The following ELAVL2 variants were observed in gnomAD, a reference collection of about 807,000 sequenced individuals.
ELAVL2 encodes the protein ELAV like RNA binding protein 2.
A neutral mutation model predicts 34.6 loss-of-function variants in ELAVL2; 4 were observed. The observed-to-expected ratio is 0.12, with a 90% CI of 0.06 to 0.26. ELAVL2 has a LOEUF of 0.26. Ranked by LOEUF, ELAVL2 falls within the 10% of genes least tolerant of loss-of-function variation. The probability of loss-of-function intolerance (pLI) is 1.00; values close to 1 mark genes in which losing one functional copy is unlikely to be tolerated. For synonymous variants in ELAVL2, 193 were observed against 154.8 expected, an observed-to-expected ratio of 1.25 and a Z score of -1.83; for missense variants, 432 against 442.8, an observed-to-expected ratio of 0.98 and a Z score of 0.22.
intron 2 of ELAVL2, among the ~76,000 whole-genome samples, chr9:23,755,180 T>A (rs1212509843): frequency 1.3e-5 from 2 of 152,150 alleles, no homozygotes; most frequent in African/African-American, 4.8e-5. Context: ...ATTTCTCCAA[T>A]TAATTTCCAA....
intron 3 of ELAVL2, among the ~76,000 whole-genome samples, chr9:23,717,818 A>T (rs2042698448): frequency 6.6e-6 from 1 of 152,216 alleles, no homozygotes; most frequent in South Asian, 2.1e-4. Context: ...CTGTTCAAAC[A>T]TTTAGCAAAG....
chr9:23,773,316 CA>C (rs1189444381), intron 1 of ELAVL2, among the ~76,000 whole-genome samples: 1 of 152,134 alleles, frequency 6.6e-6, no homozygotes. Flanking sequence ...CACATACACC[CA>C]ATTTCGAACA....
chr9:23,752,190 T>G (rs978857433), intron 2 of ELAVL2, among the ~76,000 whole-genome samples: 1 of 152,210 alleles, frequency 6.6e-6, no homozygotes, highest in Non-Finnish European at 1.5e-5. Context: ...AGTACCCCTG[T>G]GTGCTAGGTA....
At chr9:23,789,029 A>G (rs2060034000) in intron 1 of ELAVL2, among the ~76,000 whole-genome samples, 1 of 152,210 alleles carries the variant, frequency 6.6e-6, no homozygotes, top group South Asian at 2.1e-4. Flanking sequence ...AAAAGAAAAG[A>G]GACCAACGGC....
intron 3 of ELAVL2, among the ~76,000 whole-genome samples, chr9:23,714,849 T>C (rs1048392928): frequency 2.6e-5 from 4 of 152,134 alleles, no homozygotes; most frequent in Non-Finnish European, 5.9e-5. Context: ...AGTACCACTA[T>C]AAAACTTTCA....
At chr9:23,777,649 T>C (rs1222057461) in intron 1 of ELAVL2, among the ~76,000 whole-genome samples, 1 of 152,110 alleles carries the variant, frequency 6.6e-6, no homozygotes, top group Non-Finnish European at 1.5e-5. Context: ...TATCATGAGG[T>C]AGAAGCAAGA....
intron 1 of ELAVL2, among the ~76,000 whole-genome samples, chr9:23,775,933 T>A (rs1231664623): frequency 1.3e-5 from 2 of 152,188 alleles, no homozygotes; most frequent in East Asian, 3.9e-4. Flanking sequence ...TAACTCTGTG[T>A]GCTCCTATAT....
At chr9:23,781,746 G>A (rs1262885128) in intron 1 of ELAVL2, among the ~76,000 whole-genome samples, 1 of 151,870 alleles carries the variant, frequency 6.6e-6, no homozygotes, top group Non-Finnish European at 1.5e-5. Context: ...AGGCTGGAGT[G>A]CAGTGGCGGG....
In ELAVL2 at chr9:23,819,901, G is replaced by C. The variant is rs539061693; in HGVS notation, c.-16+5905C>G. On this transcript the variant is annotated intron_variant, in intron 1 of 6. Coordinates refer to ENST00000397312, the MANE Select transcript of ELAVL2 (RefSeq NM_004432.5). ...TAGTTTGCAAGCGAACTTCCCGTAA[G>C]TATATCCTCCCCACAACCTTAAGTG... 2.0e-5 allele frequency among the ~76,000 whole-genome samples: 3 copies of C among 152,168 alleles called. No individual in the cohort carries two copies. The South Asian group carries it at 6.2e-4, about 32-fold the overall frequency.
chr9:23,692,208 C>T lies in ELAVL2; in HGVS notation c.*349G>A, dbSNP rs1486952459. On this transcript the variant is annotated 3_prime_UTR_variant, in exon 7 of 7. Coordinates refer to ENST00000397312, the MANE Select transcript of ELAVL2 (RefSeq NM_004432.5). The stretch of plus-strand genomic sequence containing the variant: ...CAACTGAAGAATTACAACACAAAGC[C>T]TCAATATTTACTCACAGGTTCAAGG... 5.5e-6 allele frequency: 1 copy of T among 183,454 alleles called. No homozygotes were observed. Among genetic ancestry groups the T allele is most frequent in the Non-Finnish European group, 1.1e-5 (1 of 87,448 alleles). 11.4% of individuals were successfully genotyped at this position (183,454 alleles called of 1,614,324 possible).
chr9:23,727,968 C>T (rs1478673919), intron 3 of ELAVL2, among the ~76,000 whole-genome samples: 3 of 152,086 alleles, frequency 2.0e-5, no homozygotes, highest in African/African-American at 4.8e-5. Flanking sequence ...GCTTGGAGTA[C>T]ACAAACACTT....
upstream of ELAVL2, among the ~76,000 whole-genome samples, chr9:23,828,353 A>T (rs2065394477): frequency 6.6e-6 from 1 of 152,192 alleles, no homozygotes; most frequent in Admixed American, 6.5e-5. Flanking sequence ...CATTGAAGTA[A>T]ATCTTTACCA....
intron 1 of ELAVL2, among the ~76,000 whole-genome samples, chr9:23,823,344 C>T (rs913982275): frequency 6.6e-6 from 1 of 152,184 alleles, no homozygotes; most frequent in South Asian, 2.1e-4. Flanking sequence ...ACCTAAAACT[C>T]TTAGAATGCC....
In ELAVL2 at chr9:23,751,167, T is replaced by C. The variant is rs116268868; in HGVS notation, c.229+10839A>G. On this transcript the variant is annotated intron_variant, in intron 2 of 6. Transcript: ENST00000397312. ...TTGGGGGTGGTGGATACAGGACTTG[T>C]ACGCCATACACATTTTCCCTACAAA... 4.5e-3 allele frequency among the ~76,000 whole-genome samples: 684 copies of C among 152,188 alleles called. 7 individuals are homozygous for C. Among genetic ancestry groups the C allele is most frequent in the African/African-American group, 0.016 (652 of 41,530 alleles).
chr9:23,783,286 A>G (rs113128383), intron 1 of ELAVL2, among the ~76,000 whole-genome samples: 171 of 152,356 alleles, frequency 1.1e-3, no homozygotes, highest in African/African-American at 4.0e-3. Context: ...CTTGTAAACA[A>G]AAGTAAATAT....
At position 23,744,891 on chromosome 9, in the gene ELAVL2, A is replaced by T. The variant is rs1409075371; in HGVS notation, c.230-13766T>A. Reference sequence around the variant, plus strand: ...TCTATGACTTAAAGAAAATGAAGCAAAAAAATTCTTTTAAAAATAAACAAA... The same window carrying T: ...TCTATGACTTAAAGAAAATGAAGCATAAAAATTCTTTTAAAAATAAACAAA... On this transcript the variant is annotated intron_variant, in intron 2 of 6. Coordinates refer to ENST00000397312, the MANE Select transcript of ELAVL2 (RefSeq NM_004432.5). Among the ~76,000 whole-genome samples, 5 of 152,088 alleles carry T rather than the reference A, an allele frequency of 3.3e-5. No homozygotes were observed. The East Asian group carries it at 9.6e-4, about 29-fold the overall frequency.
intron 1 of ELAVL2, among the ~76,000 whole-genome samples, chr9:23,794,855 G>C (rs1264651757): frequency 6.6e-6 from 1 of 152,032 alleles, no homozygotes; most frequent in Non-Finnish European, 1.5e-5. Flanking sequence ...ATCTTCTCTT[G>C]TTTTAATAAT....
chr9:23,783,558 A>C (rs2059335976), intron 1 of ELAVL2: 1 of 936,566 alleles, frequency 1.1e-6, no homozygotes, highest in Non-Finnish European at 1.3e-6. Context: ...CACCACTAAA[A>C]GGACACAGAA....
At chr9:23,778,088 T>C (rs887499396) in intron 1 of ELAVL2, among the ~76,000 whole-genome samples, 1 of 152,024 alleles carries the variant, frequency 6.6e-6, no homozygotes, top group Non-Finnish European at 1.5e-5. Flanking sequence ...ATTGAGGGGA[T>C]GGGAGTCAAA....
Sources: allele counts gnomAD v4.1 joint callset (sites outside exome capture counted in the v4.1 genomes callset), GRCh38; gene constraint gnomAD v4.1.1; transcripts MANE v1.5; gene names NCBI Gene and HGNC (gene_info 2026-07-23, HGNC 2026-07-21).